Variants in ACTN4 observed in about 807,000 individuals in gnomAD.
The protein encoded by ACTN4 is alpha-actinin-4.
ACTN4 carries 18 observed loss-of-function variants against 114.2 expected under a neutral mutation model. That is an observed-to-expected ratio of 0.16 (90% CI 0.11 to 0.23). The LOEUF (loss-of-function observed/expected upper bound fraction) is 0.23. Among genes scored for constraint, ACTN4 ranks in the 10% least tolerant of loss-of-function variants. The pLI is 1.00. For synonymous variants in ACTN4, 515 were observed against 506.3 expected, an observed-to-expected ratio of 1.02 and a Z score of -0.23; for missense variants, 722 against 1,262.9, an observed-to-expected ratio of 0.57 and a Z score of 6.49.
chr19:38,660,558 G>A (rs1218825995), intron 1 of ACTN4, among the ~76,000 whole-genome samples: 1 of 151,966 alleles, frequency 6.6e-6, no homozygotes, highest in African/African-American at 2.4e-5. Context: ...ACCATGCCTG[G>A]CTAATTTTTG....
chr19:38,680,817 A>G (rs1967543059), intron 1 of ACTN4, among the ~76,000 whole-genome samples: 1 of 152,022 alleles, frequency 6.6e-6, no homozygotes, highest in Non-Finnish European at 1.5e-5. Flanking sequence ...AGGACCATAT[A>G]GTGAGGGTTT....
intron 1 of ACTN4, among the ~76,000 whole-genome samples, chr19:38,694,249 G>T (rs1435685950): frequency 6.6e-6 from 1 of 150,732 alleles, no homozygotes; most frequent in African/African-American, 2.4e-5. Context: ...GGGACCAAGG[G>T]TGGGCTGGGG....
intron 1 of ACTN4, among the ~76,000 whole-genome samples, chr19:38,684,623 C>G (rs957412009): frequency 6.6e-6 from 1 of 152,284 alleles, no homozygotes; most frequent in African/African-American, 2.4e-5. Flanking sequence ...AGAGTGTAGC[C>G]CTGTTCCTCG....
chr19:38,704,028 G>T (rs903386232), intron 3 of ACTN4, among the ~76,000 whole-genome samples: 5 of 152,198 alleles, frequency 3.3e-5, no homozygotes, highest in African/African-American at 1.2e-4. Context: ...CCCTTTCCCT[G>T]TGGGCCAGGC....
intron 1 of ACTN4, among the ~76,000 whole-genome samples, chr19:38,654,573 A>G (rs1976660548): frequency 6.6e-6 from 1 of 152,018 alleles, no homozygotes; most frequent in Non-Finnish European, 1.5e-5. Context: ...AAAAAAAAAA[A>G]AAAAGAAAAA....
At chr19:38,718,173 G>T (rs1035213561) in intron 11 of ACTN4, 99 bp downstream of exon 11, 2 of 1,536,724 alleles carry the variant, frequency 1.3e-6, no homozygotes, top group African/African-American at 1.4e-5. Context: ...CCCCTGCCAC[G>T]TTGGGTCTGT....
At position 38,721,561 on chromosome 19, in the gene ACTN4, C is replaced by A; in HGVS notation, c.1315C>A (p.Arg439=). Residue 439 remains arginine, a synonymous_variant, in exon 12 of 21, where the codon CGG becomes AGG. Transcript: ENST00000252699. ...TDGKEAMLKH[R]DYETATLSDI... is the part of the protein sequence containing the mutation. ...AGGGAAGGAAGCCATGCTGAAGCAC[C>A]GGGACTACGAGACGGCCACACTATC... 4.3e-6 allele frequency: 7 copies of A among 1,613,988 alleles called. No individual in the cohort carries two copies. The highest frequency in any genetic ancestry group is 5.9e-6 in the Non-Finnish European group (7 of 1,180,024).
At chr19:38,693,198 C>T (rs1967986056) in intron 1 of ACTN4, among the ~76,000 whole-genome samples, 1 of 151,878 alleles carries the variant, frequency 6.6e-6, no homozygotes, top group Admixed American at 6.6e-5. Context: ...GAGCATCAGC[C>T]TGGTGGGTGG....
chr19:38,652,367 C>G (rs537507472), intron 1 of ACTN4, among the ~76,000 whole-genome samples: 87 of 152,274 alleles, frequency 5.7e-4, no homozygotes, highest in Middle Eastern at 3.4e-3. Context: ...GAACTTGACT[C>G]TTCTAATGAC....
rs371252709 is a variant in ACTN4, at chr19:38,712,878, GA to G, written c.820-1590del. ...CTGGAGGCTCTGAGGGATTTTGGGG[GA>G]GCAGGGACTGGCAGGCAAGCCCAGG... On this transcript the variant is annotated intron_variant, in intron 8 of 20. Coordinates refer to ENST00000252699, the MANE Select transcript of ACTN4 (RefSeq NM_004924.6). Among the ~76,000 whole-genome samples, 559 of 152,300 alleles carry G rather than the reference GA, an allele frequency of 3.7e-3. 3 individuals carry two copies. The highest frequency in any genetic ancestry group is 0.012 in the African/African-American group (518 of 41,564).
chr19:38,722,547 A>G (rs2126970), intron 12 of ACTN4, among the ~76,000 whole-genome samples: 8,693 of 152,144 alleles, frequency 0.057, 265 homozygotes, highest in South Asian at 0.096. Context: ...CTCACTACCC[A>G]CTACTGTCCG....
Position 38,717,904 on chromosome 19 carries a change from T to G in ACTN4, c.1144-23T>G, listed in dbSNP as rs1968898159. ...TGCCTCCACTTCCTTGTGATAGCCC[T>G]GCCTGCTCCTGCCCTGCCCCAGGAC... On this transcript the variant is annotated intron_variant, in intron 10 of 20. Coordinates refer to ENST00000252699, the MANE Select transcript of ACTN4 (RefSeq NM_004924.6). The surrounding 1 kb of genome is among the most constrained non-coding windows in gnomAD (Gnocchi z 4.0). 6.4e-7 allele frequency: 1 copy of G among 1,572,638 alleles called. No homozygotes were observed. Among genetic ancestry groups the G allele is most frequent in the African/African-American group, 1.3e-5 (1 of 74,108 alleles).
At chr19:38,695,505 G>A (rs1437876673) in intron 1 of ACTN4, among the ~76,000 whole-genome samples, 10 of 149,388 alleles carry the variant, frequency 6.7e-5, no homozygotes, top group African/African-American at 2.6e-4. Flanking sequence ...CCTGCCAGGG[G>A]GAGGAAGTTT....
At chr19:38,725,363 C>G (rs1367515202) in intron 16 of ACTN4, among the ~76,000 whole-genome samples, 1 of 152,218 alleles carries the variant, frequency 6.6e-6, no homozygotes, top group Non-Finnish European at 1.5e-5. Context: ...GTTCAGATCC[C>G]AACTCTGCCT....
At chr19:38,728,622 G>A (rs1035039713) in intron 19 of ACTN4, among the ~76,000 whole-genome samples, 3 of 152,106 alleles carry the variant, frequency 2.0e-5, no homozygotes, top group Non-Finnish European at 2.9e-5. Context: ...GAAAGAGGGG[G>A]CAGCTCTCCC....
Position 38,730,491 on chromosome 19 carries a change from T to C in ACTN4, c.*1059T>C, listed in dbSNP as rs1969497881. On this transcript the variant is annotated 3_prime_UTR_variant, in exon 21 of 21. Coordinates refer to ENST00000252699, the MANE Select transcript of ACTN4 (RefSeq NM_004924.6). ...CTTGGTTTCTGGATAAACCACCCTCTGGGGACAGGATAATAAAACATGTAA... is the reference window on the plus strand; with the variant it reads ...CTTGGTTTCTGGATAAACCACCCTCCGGGGACAGGATAATAAAACATGTAA... 3.6e-6 allele frequency: 1 copy of C among 276,422 alleles called. No individual in the cohort carries two copies. The allele number at this position is 276,422 out of a possible 1,614,324, so 17.1% of individuals were successfully genotyped here.
At chr19:38,689,851 A>G (rs954845649) in intron 1 of ACTN4, among the ~76,000 whole-genome samples, 1 of 151,802 alleles carries the variant, frequency 6.6e-6, no homozygotes, top group African/African-American at 2.4e-5. Flanking sequence ...TTTTTGTATT[A>G]TTAGTTAGAG....
At chr19:38,672,637 G>C (rs995425142) in intron 1 of ACTN4, among the ~76,000 whole-genome samples, 1 of 151,430 alleles carries the variant, frequency 6.6e-6, no homozygotes, top group Non-Finnish European at 1.5e-5. Flanking sequence ...GTAATGGCAC[G>C]ATCTCGGCTC....
chr19:38,705,445 A>G (rs17589359), intron 4 of ACTN4, among the ~76,000 whole-genome samples: 8,699 of 152,248 alleles, frequency 0.057, 270 homozygotes, highest in South Asian at 0.1. Flanking sequence ...AGGAATGGAC[A>G]ATTTCGCTTC....
Sources: gnomAD v4.1 joint callset for allele counts (sites outside exome capture counted in the v4.1 genomes callset) on GRCh38, gnomAD v4.1.1 for gene constraint, Gnocchi (gnomAD v3.1) non-coding constraint, MANE v1.5 for transcripts, NCBI Gene and HGNC (gene_info 2026-07-23, HGNC 2026-07-21) for gene names.